Variants in ZNF701 observed in about 807,000 individuals in gnomAD.
ZNF701 encodes the protein zinc finger protein 701.
Under a neutral mutation model 7.1 loss-of-function variants are expected in ZNF701, and 6 were observed. The observed-to-expected ratio is 0.84, with a 90% CI of 0.46 to 1.66. ZNF701 has a LOEUF of 1.66. Among genes scored for constraint, ZNF701 ranks in the 40% most tolerant of loss-of-function variants. The probability of loss-of-function intolerance (pLI) is 0.01; values close to 1 mark genes in which losing one functional copy is unlikely to be tolerated. For missense variants in ZNF701, 541 were observed against 559.2 expected, an observed-to-expected ratio of 0.97 and a Z score of 0.33; for synonymous variants, 166 against 188.2, an observed-to-expected ratio of 0.88 and a Z score of 0.97.
chr19:52,594,649 G>T, the ZNF701 span, among the ~76,000 whole-genome samples: 1 of 151,936 alleles, frequency 6.6e-6, no homozygotes, highest in Non-Finnish European at 1.5e-5. Context: ...TAGCAGCTGG[G>T]ATTACAGGCA....
downstream of ZNF701, among the ~76,000 whole-genome samples, chr19:52,589,819 A>T (rs1045913797): frequency 8.6e-5 from 13 of 151,176 alleles, no homozygotes; most frequent in Admixed American, 7.9e-4. Context: ...TTTGAGATGA[A>T]GTCTTGCTCT....
At chr19:52,571,339 TGG>T (rs1464676869) in intron 1 of ZNF701, among the ~76,000 whole-genome samples, 2 of 151,422 alleles carry the variant, frequency 1.3e-5, no homozygotes, top group African/African-American at 4.9e-5. Flanking sequence ...GGAGGACGCC[TGG>T]GGATCTGGGG....
intron 1 of ZNF701, among the ~76,000 whole-genome samples, chr19:52,571,437 C>T (rs140768658): frequency 2.9e-4 from 44 of 151,928 alleles, no homozygotes; most frequent in African/African-American, 8.7e-4. Context: ...GGATAAGAGG[C>T]GGAAATATAT....
chr19:52,571,943 C>T (rs2059903290), intron 1 of ZNF701, among the ~76,000 whole-genome samples: 1 of 152,112 alleles, frequency 6.6e-6, no homozygotes, highest in African/African-American at 2.4e-5. Flanking sequence ...CCTGCCTCAG[C>T]CTCCCTAGTA....
intron 2 of ZNF701, among the ~76,000 whole-genome samples, chr19:52,574,365 T>C (rs1469639611): frequency 1.3e-5 from 2 of 152,112 alleles, no homozygotes; most frequent in East Asian, 1.9e-4. Context: ...GAGGCTGCAC[T>C]GGGCATGGTC....
intron 3 of ZNF701, among the ~76,000 whole-genome samples, chr19:52,576,858 G>A (rs1175828207): frequency 6.6e-6 from 1 of 152,180 alleles, no homozygotes; most frequent in Non-Finnish European, 1.5e-5. Context: ...TGGAGCAAGA[G>A]AAAGGGCCCT....
chr19:52,587,566 C>T (rs1348766687), downstream of ZNF701, among the ~76,000 whole-genome samples: 5 of 152,180 alleles, frequency 3.3e-5, no homozygotes, highest in Admixed American at 2.6e-4. Context: ...GACATTGCAG[C>T]GCCACCTTCA....
At position 52,582,861 on chromosome 19, in the gene ZNF701, A is replaced by C; in HGVS notation, c.802A>C (p.Asn268His). 1 of 1,614,166 alleles carries C rather than the reference A, an allele frequency of 6.2e-7. No homozygotes were observed. Among genetic ancestry groups the C allele is most frequent in the South Asian group, 1.1e-5 (1 of 91,082 alleles). ...ATGCCATAGATGTCACACTGGTGAGAATCCTTACACGTGTAATGAGTGTGG... is the reference window on the plus strand; with the variant it reads ...ATGCCATAGATGTCACACTGGTGAGCATCCTTACACGTGTAATGAGTGTGG... ...LACHRCHTGE[N>H]PYTCNECGKT... The change falls in exon 4 of 4, where the codon AAT becomes CAT. Residue 268 changes from asparagine to histidine, a missense_variant. By Grantham distance (68) the Asn-to-His change is moderately conservative (BLOSUM62 1). Transcript: ENST00000391785.
intron 3 of ZNF701, 143 bp downstream of exon 3, chr19:52,576,164 A>G: frequency 1.3e-6 from 2 of 1,535,606 alleles, no homozygotes; most frequent in Non-Finnish European, 1.7e-6. Flanking sequence ...ATGATGTAGC[A>G]TCTGGACTTT....
chr19:52,573,835 A>G (rs1170095505), intron 1 of ZNF701, among the ~76,000 whole-genome samples: 1 of 152,230 alleles, frequency 6.6e-6, no homozygotes, highest in Non-Finnish European at 1.5e-5. Flanking sequence ...GGATTTGGTC[A>G]GGGCTGGGTC....
rs973164087 is a variant in ZNF701, at chr19:52,577,615, G to A, written c.142+1594G>A. ...TGAGAAGTGACCTAGAAGGCAAGAG[G>A]TGAGCCCTCTGTCACACCCGCATAA... On this transcript the variant is annotated intron_variant, in intron 3 of 3. Transcript: ENST00000391785. Among the ~76,000 whole-genome samples the A allele has an allele frequency of 4.5e-4, 69 of 151,954 alleles. 2 individuals are homozygous for A. Among genetic ancestry groups the A allele is most frequent in the Non-Finnish European group, 4.4e-5 (3 of 68,006 alleles).
intron 1 of ZNF701, chr19:52,572,141 C>T (rs572848909): frequency 3.3e-6 from 1 of 307,080 alleles, no homozygotes; most frequent in South Asian, 2.4e-5. Context: ...ACCACCTTTA[C>T]CTCCCGGTTT....
the ZNF701 span, chr19:52,592,311 G>A: frequency 8.8e-6 from 12 of 1,360,732 alleles, no homozygotes; most frequent in African/African-American, 1.5e-4. Flanking sequence ...CTTTTGTGAT[G>A]TTGCCCCATA....
chr19:52,574,076 G>A lies in ZNF701; in HGVS notation c.-71-1G>A. On this transcript the variant is annotated splice_acceptor_variant, in intron 1 of 3. Transcript: ENST00000391785. LOFTEE classifies it low-confidence loss of function (5UTR_SPLICE). ...GTAAACAACATATTTCTAACATTCA[G>A]GATTGACTTCTAAAGACTTGGTACG... 1 of 1,611,224 alleles carries A rather than the reference G, an allele frequency of 6.2e-7. No individual in the cohort carries two copies. Among genetic ancestry groups the A allele is most frequent in the Non-Finnish European group, 8.5e-7 (1 of 1,178,908 alleles).
In ZNF701 at chr19:52,584,683, T is replaced by G. The variant is rs568988517; in HGVS notation, c.*1226T>G. The G allele has an allele frequency of 1.8e-4, 28 of 152,384 alleles. No homozygotes were observed. Among genetic ancestry groups the G allele is most frequent in the African/African-American group, 6.7e-4 (28 of 41,592 alleles). 9.4% of individuals were successfully genotyped at this position (152,384 alleles called of 1,614,324 possible). On this transcript the variant is annotated 3_prime_UTR_variant, in exon 4 of 4. Coordinates refer to ENST00000391785, the MANE Select transcript of ZNF701 (RefSeq NM_018260.3). ...CCTAAGTATTTCTTACTTTAAGATC[T>G]CTAGCAAATGGAAGTGTTTTTTAAT...
Position 52,583,236 on chromosome 19 carries a change from C to G in ZNF701, c.1177C>G (p.Gln393Glu). The G allele has an allele frequency of 6.2e-7, 1 of 1,609,988 alleles. No homozygotes were observed. The highest frequency in any genetic ancestry group is 1.7e-5 in the Admixed American group (1 of 59,840). The change falls in exon 4 of 4, where the codon CAA becomes GAA. Residue 393 changes from glutamine to glutamate, a missense_variant. Coordinates refer to ENST00000391785, the MANE Select transcript of ZNF701 (RefSeq NM_018260.3). ...TAATGAGTGTGGCAAGACCTTTGTT[C>G]AAAATTCATCTCTTGTAATGCATAA... ...KCNECGKTFV[Q>E]NSSLVMHKVI...
intron 2 of ZNF701, among the ~76,000 whole-genome samples, chr19:52,574,747 TA>T (rs2059922199): frequency 6.6e-6 from 1 of 152,186 alleles, no homozygotes; most frequent in South Asian, 2.1e-4. Context: ...GAAATCAACC[TA>T]AATAATAGCA....
At chr19:52,596,059 C>G in the ZNF701 span, 1 of 1,314,846 alleles carries the variant, frequency 7.6e-7, no homozygotes, top group Non-Finnish European at 1.1e-6. Flanking sequence ...GGAAGAATTT[C>G]CTCTATTCTT....
downstream of ZNF701, among the ~76,000 whole-genome samples, chr19:52,588,801 T>G (rs1263550659): frequency 6.6e-6 from 1 of 152,190 alleles, no homozygotes; most frequent in East Asian, 1.9e-4. Context: ...TGGAGTTCAC[T>G]GGAGCAATCT....
Sources: gnomAD v4.1 joint callset for allele counts (sites outside exome capture counted in the v4.1 genomes callset) on GRCh38, gnomAD v4.1.1 for gene constraint, MANE v1.5 for transcripts, NCBI Gene and HGNC (gene_info 2026-07-23, HGNC 2026-07-21) for gene names.